NRXN1: variants seen among roughly 807,000 people sequenced by gnomAD.
The protein encoded by NRXN1 is neurexin-1.
NRXN1 carries 39 observed loss-of-function variants against 150.9 expected under a neutral mutation model. That is an observed-to-expected ratio of 0.26 (90% CI 0.20 to 0.34). NRXN1 has a LOEUF of 0.34. Ranked by LOEUF, NRXN1 falls within the 10% of genes least tolerant of loss-of-function variation. The pLI is 1.00. For missense variants in NRXN1, 1,815 were observed against 1,949.9 expected (o/e 0.93, Z 1.30); for synonymous variants, 924 against 757.0 (o/e 1.22, Z -3.62).
At chr2:50,882,273 C>G (rs1457375406) in intron 5 of NRXN1, among the ~76,000 whole-genome samples, 2 of 151,778 alleles carry the variant, frequency 1.3e-5, no homozygotes, top group Non-Finnish European at 2.9e-5. Flanking sequence ...ATGGACAAAC[C>G]ACATTTAAAA....
chr2:50,777,409 T>C (rs536922590), intron 5 of NRXN1, among the ~76,000 whole-genome samples: 96 of 152,284 alleles, frequency 6.3e-4, no homozygotes, highest in African/African-American at 1.9e-3. Flanking sequence ...AGGGAGTCTT[T>C]TGCAAGACAG....
intron 21 of NRXN1, among the ~76,000 whole-genome samples, chr2:49,983,880 G>C (rs1680425924): frequency 6.6e-6 from 1 of 152,116 alleles, no homozygotes; most frequent in Admixed American, 6.6e-5. Context: ...AAACTGGTAA[G>C]AAATACAAAG....
intron 5 of NRXN1, among the ~76,000 whole-genome samples, chr2:50,741,142 A>G (rs555105632): frequency 7.2e-5 from 11 of 152,152 alleles, no homozygotes; most frequent in Admixed American, 2.0e-4. Flanking sequence ...AATTGTCCTC[A>G]TTATCTTATT....
chr2:50,065,839 T>C (rs2152655706), intron 19 of NRXN1, among the ~76,000 whole-genome samples: 1 of 152,130 alleles, frequency 6.6e-6, no homozygotes, highest in East Asian at 1.9e-4. Context: ...ACGTTGGAAA[T>C]GGAGAGAGGA....
At chr2:50,038,298 A>G (rs1690363547) in intron 21 of NRXN1, among the ~76,000 whole-genome samples, 1 of 152,214 alleles carries the variant, frequency 6.6e-6, no homozygotes, top group Admixed American at 6.5e-5. Flanking sequence ...CTAGACTTAC[A>G]GCAGCCAGGA....
intron 17 of NRXN1, among the ~76,000 whole-genome samples, chr2:50,318,429 G>A (rs1430809439): frequency 1.3e-5 from 2 of 152,026 alleles, no homozygotes; most frequent in Non-Finnish European, 2.9e-5. Flanking sequence ...CAACAATACT[G>A]CTCCTGAGTC....
chr2:50,392,710 T>C (rs1238753394), intron 17 of NRXN1, among the ~76,000 whole-genome samples: 1 of 152,086 alleles, frequency 6.6e-6, no homozygotes, highest in Non-Finnish European at 1.5e-5. Flanking sequence ...AATACATGTT[T>C]CATACATGAA....
intron 21 of NRXN1, among the ~76,000 whole-genome samples, chr2:50,013,128 A>G (rs530412899): frequency 2.0e-5 from 3 of 152,248 alleles, no homozygotes; most frequent in African/African-American, 4.8e-5. Context: ...TTCATGTCCA[A>G]TAAAGTATTG....
At chr2:50,712,315 T>A in intron 5 of NRXN1, among the ~76,000 whole-genome samples, 1 of 152,096 alleles carries the variant, frequency 6.6e-6, no homozygotes, top group Non-Finnish European at 1.5e-5. Context: ...AGCAACATAA[T>A]TAATTGCTAT....
chr2:50,447,735 C>T (rs1420128939), intron 17 of NRXN1, among the ~76,000 whole-genome samples: 5 of 42,736 alleles, frequency 1.2e-4, no homozygotes, highest in Admixed American at 3.2e-4. Context: ...AGCAGGGGAA[C>T]GTTATATATA....
intron 5 of NRXN1, among the ~76,000 whole-genome samples, chr2:50,906,822 A>G (rs1321463538): frequency 1.3e-5 from 2 of 152,048 alleles, no homozygotes; most frequent in Non-Finnish European, 2.9e-5. Context: ...AATCTCCAGA[A>G]CCTGTGAATA....
At chr2:50,207,176 A>G (rs2062661436) in intron 18 of NRXN1, among the ~76,000 whole-genome samples, 1 of 152,130 alleles carries the variant, frequency 6.6e-6, no homozygotes, top group South Asian at 2.1e-4. Context: ...GGTAAGACAC[A>G]TTCACCAAAC....
Position 50,918,321 on chromosome 2 carries a change from G to A in NRXN1, c.832+3548C>T, listed in dbSNP as rs373426672. The A allele has an allele frequency of 1.8e-4, 41 of 224,936 alleles. 1 individual carries two copies. In the South Asian group the frequency reaches 2.2e-3, roughly 12 times the overall value. 13.9% of individuals were successfully genotyped at this position (224,936 alleles called of 1,614,324 possible). A position where few individuals can be genotyped will look rare whatever the true frequency, so the allele number is the denominator to read the frequency against. ...CAAATACATTTAAGTCATGAAAATCGCAAATTCAAGATACAATAAGAAAAA... is the reference window on the plus strand; with the variant it reads ...CAAATACATTTAAGTCATGAAAATCACAAATTCAAGATACAATAAGAAAAA... On this transcript the variant is annotated intron_variant, in intron 5 of 22. Transcript: ENST00000401669.
At chr2:50,733,031 TC>T (rs1698289521) in intron 5 of NRXN1, among the ~76,000 whole-genome samples, 1 of 152,158 alleles carries the variant, frequency 6.6e-6, no homozygotes, top group South Asian at 2.1e-4. Context: ...ATGGCAAGTA[TC>T]CCAAGAACAG....
chr2:49,955,394 T>C (rs1674745832), intron 21 of NRXN1, among the ~76,000 whole-genome samples: 1 of 152,194 alleles, frequency 6.6e-6, no homozygotes, highest in African/African-American at 2.4e-5. Context: ...TTATACCCCA[T>C]GGCTGGAAAT....
At chr2:50,784,365 G>C (rs1403653327) in intron 5 of NRXN1, among the ~76,000 whole-genome samples, 3 of 152,012 alleles carry the variant, frequency 2.0e-5, no homozygotes, top group African/African-American at 7.2e-5. Flanking sequence ...AGGGTGATTT[G>C]GTTTCCAGGG....
At chr2:49,937,680 C>T (rs534751693) in intron 22 of NRXN1, among the ~76,000 whole-genome samples, 8 of 152,192 alleles carry the variant, frequency 5.3e-5, no homozygotes, top group Non-Finnish European at 1.0e-4. Context: ...AGGAGATGCT[C>T]TCGATGTTCC....
intron 18 of NRXN1, among the ~76,000 whole-genome samples, chr2:50,233,678 T>A (rs760741363): frequency 1.5e-4 from 23 of 152,196 alleles, no homozygotes; most frequent in South Asian, 8.3e-4. Context: ...GTTTAATGGA[T>A]AATGAATAAG....
chr2:50,762,496 C>T (rs1701911576), intron 5 of NRXN1, among the ~76,000 whole-genome samples: 1 of 151,832 alleles, frequency 6.6e-6, no homozygotes, highest in Admixed American at 6.6e-5. Flanking sequence ...CATTCCCTCC[C>T]TCTCCCTCTA....
Sources: gnomAD v4.1 joint callset for allele counts (sites outside exome capture counted in the v4.1 genomes callset) on GRCh38, gnomAD v4.1.1 for gene constraint, MANE v1.5 for transcripts, NCBI Gene and HGNC (gene_info 2026-07-23, HGNC 2026-07-21) for gene names.